Variants in EVC2 observed in about 807,000 individuals in gnomAD.
EVC2 encodes the protein limbin.
EVC2 carries 148 observed loss-of-function variants against 149.3 expected under a neutral mutation model. The observed-to-expected ratio is 0.99, with a 90% CI of 0.87 to 1.14. The LOEUF (loss-of-function observed/expected upper bound fraction) is 1.14, where lower values mean the gene tolerates loss of function less well. Ranked by LOEUF, EVC2 falls within the 50% of genes most tolerant of loss-of-function variation. EVC2 has a pLI of 0.00. For synonymous variants in EVC2, 776 were observed against 649.9 expected, an observed-to-expected ratio of 1.19 and a Z score of -2.95; for missense variants, 1,854 against 1,627.3, an observed-to-expected ratio of 1.14 and a Z score of -2.40.
intron 17 of EVC2, among the ~76,000 whole-genome samples, chr4:5,580,316 T>C (rs533996750): frequency 1.1e-3 from 160 of 152,366 alleles, no homozygotes; most frequent in African/African-American, 3.2e-3. Flanking sequence ...AACACTCATT[T>C]AAGAATACGG....
In EVC2 at chr4:5,625,307, T is replaced by TACACAC. The variant is rs71171407; in HGVS notation, c.2046+436_2046+441dup. On this transcript the variant is annotated intron_variant, in intron 13 of 21. Transcript: ENST00000344408. The surrounding 1 kb of genome is among the most constrained non-coding windows in gnomAD (Gnocchi z 4.0). Reference sequence around the variant, plus strand: ...CTTACTAGATATTTGACCTTGACCATACACACACACACACACACACACACA... The same window carrying TACACAC: ...CTTACTAGATATTTGACCTTGACCATACACACACACACACACACACACACACACACA... Among the ~76,000 whole-genome samples the TACACAC allele has an allele frequency of 1.7e-3, 236 of 139,884 alleles. No homozygotes were observed. The highest frequency in any genetic ancestry group is 4.3e-3 in the African/African-American group (168 of 38,640). 91.8% of individuals were successfully genotyped at this position (139,884 alleles called of 152,430 possible). A position where few individuals can be genotyped will look rare whatever the true frequency, so the allele number is the denominator to read the frequency against.
intron 5 of EVC2, among the ~76,000 whole-genome samples, chr4:5,688,586 C>T (rs1199921188): frequency 1.3e-5 from 2 of 152,140 alleles, no homozygotes; most frequent in African/African-American, 2.4e-5. Flanking sequence ...CAATAACAGC[C>T]CACCTCAGGA....
At chr4:5,617,284 G>A (rs1321748282) in intron 15 of EVC2, among the ~76,000 whole-genome samples, 1 of 152,184 alleles carries the variant, frequency 6.6e-6, no homozygotes, top group African/African-American at 2.4e-5. Flanking sequence ...CTTTTCCTCT[G>A]CTGGGCTGTT....
chr4:5,661,198 T>A (rs1283967731), intron 9 of EVC2, among the ~76,000 whole-genome samples: 5 of 152,148 alleles, frequency 3.3e-5, no homozygotes. Flanking sequence ...GGGTTCACAT[T>A]TGGCCCCATT....
chr4:5,535,635 A>AGAGAGAGAGAGAGAG, the EVC2 span, among the ~76,000 whole-genome samples: 160 of 87,822 alleles, frequency 1.8e-3, 1 homozygote, highest in African/African-American at 5.7e-3. The surrounding 1 kb of genome is among the most constrained non-coding windows in gnomAD (Gnocchi z 4.7). Context: ...GAGAGAGAGA[A>AGAGAGAGAGAGAGAG]AGAGATAATC....
chr4:5,639,766 G>A (rs891450562), intron 10 of EVC2, among the ~76,000 whole-genome samples: 7 of 152,180 alleles, frequency 4.6e-5, no homozygotes, highest in Admixed American at 6.5e-5. Flanking sequence ...CTCTACAGAC[G>A]TGCTCTGCTA....
At position 5,625,716 on chromosome 4, in the gene EVC2, T is replaced by C; in HGVS notation, c.2046+33A>G. The C allele has an allele frequency of 1.2e-6, 2 of 1,613,834 alleles. No homozygotes were observed. The highest frequency in any genetic ancestry group is 2.2e-5 in the East Asian group (1 of 44,868). Reference sequence around the variant, plus strand: ...CTTGATGGGTATCAGAAAGTGCCTATGCAAAGAATAAATAGCATCATGCCT... The same window carrying C: ...CTTGATGGGTATCAGAAAGTGCCTACGCAAAGAATAAATAGCATCATGCCT... On this transcript the variant is annotated intron_variant, in intron 13 of 21. Coordinates refer to ENST00000344408, the MANE Select transcript of EVC2 (RefSeq NM_147127.5). The surrounding 1 kb of genome is among the most constrained non-coding windows in gnomAD (Gnocchi z 4.0).
At chr4:5,531,795 A>G in the EVC2 span, among the ~76,000 whole-genome samples, 1 of 152,038 alleles carries the variant, frequency 6.6e-6, no homozygotes, top group Admixed American at 6.6e-5. Context: ...ATTACAATGT[A>G]ATAATAATAG....
At position 5,657,942 on chromosome 4, in the gene EVC2, C is replaced by G. The variant is rs929669581; in HGVS notation, c.1145+5165G>C. 6.6e-6 allele frequency among the ~76,000 whole-genome samples: 1 copy of G among 152,184 alleles called. No individual in the cohort carries two copies. The highest frequency in any genetic ancestry group is 1.9e-4 in the East Asian group (1 of 5,158). ...CTCAAATGTCCACATCCCTTCCCACCTCTTGTGCTTGCTGCCCACTCCAAA... is the reference window on the plus strand; with the variant it reads ...CTCAAATGTCCACATCCCTTCCCACGTCTTGTGCTTGCTGCCCACTCCAAA... On this transcript the variant is annotated intron_variant, in intron 9 of 21. Transcript: ENST00000344408. This position sits in a 1 kb window ranked among gnomAD's most constrained non-coding sequence, Gnocchi z 4.7.
chr4:5,565,277 C>T lies in EVC2; in HGVS notation c.3640G>A (p.Ala1214Thr). 6.2e-7 allele frequency: 1 copy of T among 1,614,060 alleles called. No homozygotes were observed. Among genetic ancestry groups the T allele is most frequent in the Non-Finnish European group, 8.5e-7 (1 of 1,179,984 alleles). Reference protein sequence around the residue: ...ISRGLEKMLWARKRKQSILKK... With the variant: ...ISRGLEKMLWTRKRKQSILKK... ...CATTACCTCTGCTTTCTCTTGCGGG[C>T]CCACAGCATCTTTTCTAATCCTCTG... The change falls in exon 21 of 22, where the codon GCC (alanine) becomes ACC (threonine). Residue 1214 changes from alanine (A) to threonine (T), a missense_variant. By Grantham distance (58) the Ala-to-Thr change is moderately conservative. Transcript: ENST00000344408.
intron 16 of EVC2, among the ~76,000 whole-genome samples, chr4:5,605,874 C>A (rs1018694467): frequency 6.6e-6 from 1 of 152,204 alleles, no homozygotes; most frequent in Non-Finnish European, 1.5e-5. Flanking sequence ...ACATCTCCCC[C>A]TCAGGTCAAC....
intron 1 of EVC2, among the ~76,000 whole-genome samples, chr4:5,702,940 G>A (rs563174514): frequency 1.3e-5 from 2 of 152,278 alleles, no homozygotes; most frequent in South Asian, 4.1e-4. Flanking sequence ...GTAAAGCTTA[G>A]CATAGTAACA....
In EVC2 at chr4:5,622,899, C is replaced by G. The variant is rs1420713271; in HGVS notation, c.2139G>C (p.Leu713=). 2.5e-6 allele frequency: 4 copies of G among 1,614,230 alleles called. No homozygotes were observed. In the South Asian group the frequency reaches 4.4e-5, roughly 18 times the overall value. ...AGQYLHQKRS[L]MEEHGATLEE... ...CCAGGGTGGCACCGTGCTCCTCCAT[C>G]AGGCTCCTCTTCTGGTGCAGGTACT... The change falls in exon 14 of 22, where the codon CTG becomes CTC. Residue 713 remains leucine, a synonymous_variant. Coordinates refer to ENST00000344408, the MANE Select transcript of EVC2 (RefSeq NM_147127.5). The surrounding 1 kb of genome is among the most constrained non-coding windows in gnomAD (Gnocchi z 5.8).
At chr4:5,661,097 A>G (rs1238236436) in intron 9 of EVC2, among the ~76,000 whole-genome samples, 1 of 152,208 alleles carries the variant, frequency 6.6e-6, no homozygotes, top group African/African-American at 2.4e-5. Flanking sequence ...ATTCACACAA[A>G]TTACCCTCCA....
In EVC2 at chr4:5,618,593, C is replaced by G. The variant is rs369531662; in HGVS notation, c.2591G>C (p.Arg864Thr). ...CCGGATCTTGGGGAGGGCCAAGCTC[C>G]TGTCCATCTGAGCAAAGCAGCCATG... Reference protein sequence around the residue: ...EVHGCFAQMDRSLALPKIRAR... With the variant: ...EVHGCFAQMDTSLALPKIRAR... Residue 864 changes from arginine to threonine, a missense_variant, in exon 15 of 22, where the codon AGG becomes ACG. By Grantham distance (71) the Arg-to-Thr change is moderately conservative (BLOSUM62 -1). Coordinates refer to ENST00000344408, the MANE Select transcript of EVC2 (RefSeq NM_147127.5). The surrounding 1 kb of genome is among the most constrained non-coding windows in gnomAD (Gnocchi z 4.4). The G allele has an allele frequency of 2.5e-6, 4 of 1,613,944 alleles. No individual in the cohort carries two copies. In the Admixed American group the frequency reaches 6.7e-5, roughly 27 times the overall value.
chr4:5,671,232 C>T (rs1719629367), intron 7 of EVC2, among the ~76,000 whole-genome samples: 1 of 152,210 alleles, frequency 6.6e-6, no homozygotes, highest in Admixed American at 6.5e-5. Flanking sequence ...AGACTCACAT[C>T]CAGCAGTTGG....
At position 5,563,121 on chromosome 4, in the gene EVC2, G is replaced by T; in HGVS notation, c.3660-6C>A. 2 of 1,612,150 alleles carry T rather than the reference G, an allele frequency of 1.2e-6. No individual in the cohort carries two copies. The highest frequency in any genetic ancestry group is 8.5e-7 in the Non-Finnish European group (1 of 1,179,656). ...GACATGTCTTCTTTAATATGCTAAA[G>T]AAATAGCAAAAGATCAAATTCAATA... On this transcript the variant is annotated splice_polypyrimidine_tract_variant and splice_region_variant and intron_variant, in intron 21 of 21. Coordinates refer to ENST00000344408, the MANE Select transcript of EVC2 (RefSeq NM_147127.5).
chr4:5,704,041 G>A (rs1283709708), intron 1 of EVC2, among the ~76,000 whole-genome samples: 3 of 152,134 alleles, frequency 2.0e-5, no homozygotes, highest in East Asian at 1.9e-4. Flanking sequence ...TGAGCAGGGC[G>A]AGTGAGTGGT....
chr4:5,689,036 G>T, intron 5 of EVC2, 121 bp downstream of exon 5: 1 of 1,070,458 alleles, frequency 9.3e-7, no homozygotes. Flanking sequence ...CCACTGTGAG[G>T]ATTAGGAGAG....
Sources: allele counts gnomAD v4.1 joint callset (sites outside exome capture counted in the v4.1 genomes callset), GRCh38; gene constraint gnomAD v4.1.1; non-coding constraint Gnocchi (gnomAD v3.1); transcripts MANE v1.5; gene names NCBI Gene and HGNC (gene_info 2026-07-23, HGNC 2026-07-21).